ELSPBP1: variants seen among roughly 807,000 people sequenced by gnomAD.
The protein encoded by ELSPBP1 is epididymal sperm-binding protein 1.
A neutral mutation model predicts 33.3 loss-of-function variants in ELSPBP1; 38 were observed. That is an observed-to-expected ratio of 1.14 (90% CI 0.88 to 1.50). ELSPBP1 has a LOEUF of 1.50. Among genes scored for constraint, ELSPBP1 ranks in the 40% most tolerant of loss-of-function variants. The pLI is 0.00. For synonymous variants in ELSPBP1, 85 were observed against 94.1 expected, an observed-to-expected ratio of 0.90 and a Z score of 0.56; for missense variants, 267 against 263.5, an observed-to-expected ratio of 1.01 and a Z score of -0.09.
In ELSPBP1 at chr19:48,011,662, T is replaced by C. The variant is rs1279965830; in HGVS notation, c.71-2509T>C. 1.3e-5 allele frequency among the ~76,000 whole-genome samples: 2 copies of C among 151,614 alleles called. No homozygotes were observed. Among genetic ancestry groups the C allele is most frequent in the Non-Finnish European group, 2.9e-5 (2 of 67,940 alleles). ...ATCATCATCCTGATGACAATGACAATAATGAGACTGATGATGGTGACAATG... is the reference window on the plus strand; with the variant it reads ...ATCATCATCCTGATGACAATGACAACAATGAGACTGATGATGGTGACAATG... On this transcript the variant is annotated intron_variant, in intron 2 of 6. Coordinates refer to ENST00000339841, the MANE Select transcript of ELSPBP1 (RefSeq NM_022142.5). The surrounding 1 kb of genome is among the most constrained non-coding windows in gnomAD (Gnocchi z 4.5).
chr19:48,018,786 C>A (rs1260274163), intron 4 of ELSPBP1, among the ~76,000 whole-genome samples: 2 of 151,864 alleles, frequency 1.3e-5, no homozygotes, highest in Non-Finnish European at 2.9e-5. Flanking sequence ...GAAAGACCAC[C>A]AAAGGAAATT....
At chr19:47,996,444 A>G (rs1966912852) in intron 1 of ELSPBP1, among the ~76,000 whole-genome samples, 3 of 152,158 alleles carry the variant, frequency 2.0e-5, no homozygotes, top group Admixed American at 2.0e-4. Context: ...GGATAAATGA[A>G]TGGACAGATG....
chr19:48,022,029 C>A, intron 5 of ELSPBP1, 141 bp from the exon 6 acceptor site: 4 of 722,652 alleles, frequency 5.5e-6, no homozygotes, highest in African/African-American at 1.8e-5. Flanking sequence ...ATTAAATGCG[C>A]GCGATTAAAT....
intron 4 of ELSPBP1, 26 bp from the exon 5 acceptor site, chr19:48,019,693 C>T (rs370406461): frequency 6.4e-5 from 103 of 1,608,134 alleles, no homozygotes; most frequent in Non-Finnish European, 7.7e-5. Flanking sequence ...CTTCTTGACC[C>T]GTAACCTTTC....
At chr19:48,023,894 G>A (rs138158464) in intron 6 of ELSPBP1, among the ~76,000 whole-genome samples, 68 of 145,384 alleles carry the variant, frequency 4.7e-4, no homozygotes, top group African/African-American at 1.6e-3. Context: ...TTTTTGAGAC[G>A]GGGTCTCACT....
At chr19:48,006,571 G>A (rs539490212) in intron 1 of ELSPBP1, among the ~76,000 whole-genome samples, 10 of 133,052 alleles carry the variant, frequency 7.5e-5, no homozygotes, top group Admixed American at 1.6e-4. Flanking sequence ...CTGAGGTGGT[G>A]CCACTGCACT....
chr19:47,997,830 T>C (rs1322238915), intron 1 of ELSPBP1, among the ~76,000 whole-genome samples: 1 of 152,236 alleles, frequency 6.6e-6, no homozygotes, highest in African/African-American at 2.4e-5. Flanking sequence ...CTCTTCTAGG[T>C]ATATACATAA....
At chr19:48,008,573 G>A (rs1304466820) in intron 1 of ELSPBP1, 78 bp from the exon 2 acceptor site, 2 of 963,776 alleles carry the variant, frequency 2.1e-6, no homozygotes, top group Non-Finnish European at 3.2e-6. Flanking sequence ...AAAATGGCAT[G>A]TATGACGTCA....
chr19:47,998,327 G>A (rs1033547878), intron 1 of ELSPBP1, among the ~76,000 whole-genome samples: 7 of 151,824 alleles, frequency 4.6e-5, no homozygotes, highest in Admixed American at 2.6e-4. Context: ...CAGGAGAATC[G>A]CTTGAACCGG....
intron 5 of ELSPBP1, among the ~76,000 whole-genome samples, chr19:48,021,649 C>T (rs1228420047): frequency 6.6e-6 from 1 of 151,632 alleles, no homozygotes; most frequent in Admixed American, 6.6e-5. Context: ...GGGGTTTCAC[C>T]ACGTTGGCCA....
At chr19:48,018,414 T>A (rs1967164571) in intron 4 of ELSPBP1, among the ~76,000 whole-genome samples, 1 of 148,396 alleles carries the variant, frequency 6.7e-6, no homozygotes. Context: ...GGCAAAAAAA[T>A]GGGCTTTGAA....
In ELSPBP1 at chr19:48,014,442, C is replaced by G. The variant is rs1967110452; in HGVS notation, c.208+134C>G. The stretch of plus-strand genomic sequence containing the variant: ...TACGTATGCGTGCGTAGAAAAGGCT[C>G]TGGGTTTTAATGATCGCCATTCTAA... On this transcript the variant is annotated intron_variant, in intron 3 of 6. Coordinates refer to ENST00000339841, the MANE Select transcript of ELSPBP1 (RefSeq NM_022142.5). 6.4e-6 allele frequency: 6 copies of G among 934,806 alleles called. No homozygotes were observed. The East Asian group carries it at 1.5e-4, about 24-fold the overall frequency. 57.9% of individuals were successfully genotyped at this position (934,806 alleles called of 1,614,324 possible). A position where few individuals can be genotyped will look rare whatever the true frequency, so the allele number is the denominator to read the frequency against.
At chr19:48,018,238 T>A (rs1474824924) in intron 4 of ELSPBP1, among the ~76,000 whole-genome samples, 1 of 152,156 alleles carries the variant, frequency 6.6e-6, no homozygotes, top group Non-Finnish European at 1.5e-5. Context: ...ACCCAGGAAA[T>A]TCGTGCCTGG....
intron 2 of ELSPBP1, among the ~76,000 whole-genome samples, chr19:48,009,924 A>G (rs1479953211): frequency 6.6e-6 from 1 of 152,054 alleles, no homozygotes; most frequent in Non-Finnish European, 1.5e-5. Flanking sequence ...GAGTCTGCTG[A>G]GGTTTCTTTG....
rs1966917855 is a variant in ELSPBP1 at position 47,996,984 on chromosome 19, T to C, written c.-18+2173T>C. The stretch of plus-strand genomic sequence containing the variant: ...TAAGCATTTTGTATCTTTCATCTAA[T>C]TCAATCCTCCCAACAACTCTATGAA... On this transcript the variant is annotated intron_variant, in intron 1 of 6. Transcript: ENST00000339841. Among the ~76,000 whole-genome samples the C allele has an allele frequency of 1.3e-5, 2 of 152,216 alleles. 1 individual carries two copies. Among genetic ancestry groups the C allele is most frequent in the South Asian group, 4.1e-4 (2 of 4,830 alleles).
At chr19:48,018,711 G>T (rs1349092055) in intron 4 of ELSPBP1, among the ~76,000 whole-genome samples, 4 of 152,072 alleles carry the variant, frequency 2.6e-5, no homozygotes, top group Non-Finnish European at 4.4e-5. Context: ...CAGAATTTGT[G>T]CTCTTAATCA....
Position 48,025,020 on chromosome 19 carries a change from T to A in ELSPBP1, c.*76T>A, listed in dbSNP as rs555913955. On this transcript the variant is annotated 3_prime_UTR_variant, in exon 7 of 7. Coordinates refer to ENST00000339841, the MANE Select transcript of ELSPBP1 (RefSeq NM_022142.5). ...GCTGAGCACAGATTTGTCTTTTTCATTGCATCTGTCAAGCTTAAATAACCA... is the reference window on the plus strand; with the variant it reads ...GCTGAGCACAGATTTGTCTTTTTCAATGCATCTGTCAAGCTTAAATAACCA... The A allele has an allele frequency of 6.6e-6, 1 of 152,196 alleles. No homozygotes were observed. The highest frequency in any genetic ancestry group is 2.4e-5 in the African/African-American group (1 of 41,452). 9.4% of individuals were successfully genotyped at this position (152,196 alleles called of 1,614,324 possible).
intron 6 of ELSPBP1, among the ~76,000 whole-genome samples, chr19:48,024,500 G>T (rs967214298): frequency 1.3e-5 from 2 of 152,176 alleles, no homozygotes; most frequent in African/African-American, 4.8e-5. Context: ...GTGGCTTATG[G>T]ATGACACTAA....
chr19:48,004,439 G>A (rs1360120319), intron 1 of ELSPBP1, among the ~76,000 whole-genome samples: 1 of 152,196 alleles, frequency 6.6e-6, no homozygotes, highest in East Asian at 1.9e-4. Flanking sequence ...TTATAGGCAT[G>A]AGCCACTGTG....
Sources: allele counts gnomAD v4.1 joint callset (sites outside exome capture counted in the v4.1 genomes callset), GRCh38; gene constraint gnomAD v4.1.1; non-coding constraint Gnocchi (gnomAD v3.1); transcripts MANE v1.5; gene names NCBI Gene and HGNC (gene_info 2026-07-23, HGNC 2026-07-21).